The following MCTP2 variants were observed in gnomAD, a reference collection of about 807,000 sequenced individuals.
The protein encoded by MCTP2 is multiple C2 and transmembrane domain-containing protein 2.
MCTP2 carries 132 observed loss-of-function variants against 111.6 expected under a neutral mutation model. The observed-to-expected ratio is 1.18, with a 90% CI of 1.03 to 1.37. The LOEUF is 1.37. Ranked by LOEUF, MCTP2 falls within the 40% of genes most tolerant of loss-of-function variation. The probability of loss-of-function intolerance (pLI) is 0.00; values close to 1 mark genes in which losing one functional copy is unlikely to be tolerated. For synonymous variants in MCTP2, 395 were observed against 387.7 expected, an observed-to-expected ratio of 1.02 and a Z score of -0.22; for missense variants, 1,183 against 1,067.9, an observed-to-expected ratio of 1.11 and a Z score of -1.50.
intron 17 of MCTP2, among the ~76,000 whole-genome samples, chr15:94,439,612 G>A (rs2152509271): frequency 1.3e-5 from 2 of 152,254 alleles, no homozygotes; most frequent in African/African-American, 2.4e-5. Flanking sequence ...TATGTGAGGA[G>A]TCACAAATTT....
At chr15:94,247,156 C>T (rs77014451) in intron 1 of MCTP2, among the ~76,000 whole-genome samples, 2,637 of 152,180 alleles carry the variant, frequency 0.017, 40 homozygotes, top group South Asian at 0.069. Context: ...TGTGTGTGCG[C>T]GTGAGTGCAT....
At chr15:94,450,849 A>C (rs945636865) in intron 19 of MCTP2, among the ~76,000 whole-genome samples, 2 of 152,194 alleles carry the variant, frequency 1.3e-5, no homozygotes, top group Admixed American at 6.5e-5. Context: ...GAATTAATAG[A>C]GAAATGAGAA....
chr15:94,280,221 A>G (rs1194389396), intron 1 of MCTP2, among the ~76,000 whole-genome samples: 1 of 151,904 alleles, frequency 6.6e-6, no homozygotes, highest in Non-Finnish European at 1.5e-5. Flanking sequence ...TTTCTATTCC[A>G]GGGCTTTTCC....
At chr15:94,442,778 G>A in intron 18 of MCTP2, 141 bp from the exon 19 acceptor site, 1 of 673,864 alleles carries the variant, frequency 1.5e-6, no homozygotes, top group Non-Finnish European at 2.7e-6. Context: ...CTTTAAAAGA[G>A]TTATTGTTTA....
At chr15:94,475,453 A>G (rs1216120649) in intron 21 of MCTP2, among the ~76,000 whole-genome samples, 1 of 152,192 alleles carries the variant, frequency 6.6e-6, no homozygotes, top group Non-Finnish European at 1.5e-5. Context: ...CCTCAGATGA[A>G]AGCAAAATAA....
intron 17 of MCTP2, among the ~76,000 whole-genome samples, chr15:94,437,200 C>G (rs12440461): frequency 7.3e-6 from 1 of 136,204 alleles, no homozygotes; most frequent in East Asian, 2.1e-4. Flanking sequence ...CTAGGAGGAA[C>G]GTAACATATA....
chr15:94,397,857 T>C (rs999977091), intron 14 of MCTP2, among the ~76,000 whole-genome samples: 1 of 152,222 alleles, frequency 6.6e-6, no homozygotes, highest in Non-Finnish European at 1.5e-5. Context: ...CAATCTCAAA[T>C]AGAGCTTTTG....
intron 18 of MCTP2, 23 bp from the exon 19 acceptor site, chr15:94,442,896 A>G: frequency 6.2e-7 from 1 of 1,609,626 alleles, no homozygotes; most frequent in Non-Finnish European, 8.5e-7. Flanking sequence ...ATGTTTCTAT[A>G]AACACGTGGG....
At chr15:94,314,023 G>A (rs1054264932) in intron 2 of MCTP2, among the ~76,000 whole-genome samples, 5 of 152,208 alleles carry the variant, frequency 3.3e-5, no homozygotes, top group African/African-American at 1.2e-4. Flanking sequence ...TGCTAAACAT[G>A]TGGGTGAACT....
chr15:94,316,801 G>A (rs2076397168), intron 4 of MCTP2, among the ~76,000 whole-genome samples: 1 of 151,840 alleles, frequency 6.6e-6, no homozygotes, highest in South Asian at 2.1e-4. Flanking sequence ...TATTTATTTG[G>A]TTCAGTAGCT....
At chr15:94,260,459 G>T (rs1208911819) in intron 1 of MCTP2, among the ~76,000 whole-genome samples, 3 of 152,148 alleles carry the variant, frequency 2.0e-5, no homozygotes, top group African/African-American at 7.2e-5. Flanking sequence ...CTTCTCTCAT[G>T]GGCCACAGAG....
intron 12 of MCTP2, among the ~76,000 whole-genome samples, chr15:94,382,372 G>T (rs974468883): frequency 3.9e-5 from 6 of 152,208 alleles, no homozygotes; most frequent in Admixed American, 1.3e-4. Flanking sequence ...CATTTCCATT[G>T]TTTGCAATTG....
chr15:94,458,156 T>A lies in MCTP2; in HGVS notation c.2270T>A (p.Leu757Ter), dbSNP rs777201264. ...EDDKESEKKG[L>*]IERIYMVQDI... ...TTCTAGGAATCTGAGAAAAAGGGGT[T>A]GATTGAAAGAATCTATATGGTACAG... is the stretch of plus-strand genomic sequence containing the variant. The change falls in exon 20 of 23, where the codon TTG (leucine) becomes TAG (stop). Residue 757 changes from leucine (L) to a stop codon, truncating the protein, a stop_gained. Coordinates refer to ENST00000357742, the MANE Select transcript of MCTP2 (RefSeq NM_001385001.1). LOFTEE classifies it high-confidence loss of function. 6.2e-7 allele frequency: 1 copy of A among 1,607,870 alleles called. No homozygotes were observed. The highest frequency in any genetic ancestry group is 1.1e-5 in the South Asian group (1 of 90,818).
Position 94,312,724 on chromosome 15 carries a change from C to A in MCTP2, c.466-1558C>A, listed in dbSNP as rs377530607. On this transcript the variant is annotated intron_variant, in intron 2 of 22. Transcript: ENST00000357742. Reference sequence around the variant, plus strand: ...TCTTTGTCCTAGCCCCATGAGGCTCCATTCCTTCTTGTACTCAGGGCTCGT... The same window carrying A: ...TCTTTGTCCTAGCCCCATGAGGCTCAATTCCTTCTTGTACTCAGGGCTCGT... Among the ~76,000 whole-genome samples, 12 of 152,304 alleles carry A rather than the reference C, an allele frequency of 7.9e-5. No individual in the cohort carries two copies. In the East Asian group the frequency reaches 1.4e-3, roughly 17 times the overall value.
chr15:94,333,627 A>G (rs751394812), intron 4 of MCTP2, among the ~76,000 whole-genome samples: 6 of 152,322 alleles, frequency 3.9e-5, no homozygotes, highest in Middle Eastern at 3.4e-3. Context: ...CCTAAAAATG[A>G]TAAGTAAAAT....
At chr15:94,380,769 A>G (rs902407949) in intron 12 of MCTP2, among the ~76,000 whole-genome samples, 6 of 146,168 alleles carry the variant, frequency 4.1e-5, no homozygotes, top group Non-Finnish European at 9.0e-5. Flanking sequence ...CTCCGTCTCA[A>G]AAAAAAAAAA....
chr15:94,280,415 GTTT>G (rs34008450), intron 1 of MCTP2, among the ~76,000 whole-genome samples: 3 of 140,180 alleles, frequency 2.1e-5, no homozygotes, highest in African/African-American at 5.3e-5. Flanking sequence ...AGTCTCGAGG[GTTT>G]TTTTTTTTTT....
chr15:94,428,448 G>A (rs1482734208), intron 17 of MCTP2, among the ~76,000 whole-genome samples: 6 of 151,934 alleles, frequency 3.9e-5, no homozygotes, highest in Admixed American at 2.0e-4. Context: ...TGTTTTTTCA[G>A]TTCTACTATG....
intron 14 of MCTP2, 54 bp downstream of exon 14, chr15:94,385,579 T>A (rs756111402): frequency 9.7e-6 from 12 of 1,241,798 alleles, no homozygotes; most frequent in Non-Finnish European, 1.4e-5. Context: ...GTTGATGAGT[T>A]TCTATGGTCT....
Sources: allele counts gnomAD v4.1 joint callset (sites outside exome capture counted in the v4.1 genomes callset), GRCh38; gene constraint gnomAD v4.1.1; transcripts MANE v1.5; gene names NCBI Gene and HGNC (gene_info 2026-07-23, HGNC 2026-07-21).